The following RIN2 variants were observed in gnomAD, a reference collection of about 807,000 sequenced individuals.
The protein encoded by RIN2 is Ras and Rab interactor 2, also known as RAB5 interacting protein 2.
RIN2 carries 36 observed loss-of-function variants against 78.0 expected under a neutral mutation model. The ratio of observed to expected loss-of-function variants is 0.46; its 90% CI spans 0.35 to 0.61. The LOEUF (loss-of-function observed/expected upper bound fraction) is 0.61, where lower values mean the gene tolerates loss of function less well. Among genes scored for constraint, RIN2 ranks in the 20% least tolerant of loss-of-function variants. The pLI is 0.00. For synonymous variants in RIN2, 466 were observed against 466.8 expected (o/e 1.00, Z 0.02); for missense variants, 1,087 against 1,159.7 (o/e 0.94, Z 0.91).
chr20:19,953,425 C>G (rs1276472495), intron 4 of RIN2, among the ~76,000 whole-genome samples: 2 of 150,088 alleles, frequency 1.3e-5, no homozygotes, highest in African/African-American at 2.4e-5. Flanking sequence ...TGAGCCACTG[C>G]ACCTGGCTTT....
chr20:19,818,646 T>C (rs6046341), intron 2 of RIN2, among the ~76,000 whole-genome samples: 3,837 of 150,988 alleles, frequency 0.025, 175 homozygotes, highest in African/African-American at 0.089. Flanking sequence ...GCGGGAGAAT[T>C]GCTTGAACCC....
At chr20:19,839,092 G>T (rs972172375) in intron 2 of RIN2, among the ~76,000 whole-genome samples, 10 of 152,342 alleles carry the variant, frequency 6.6e-5, no homozygotes, top group Admixed American at 6.5e-4. Flanking sequence ...CGCAGCCCCA[G>T]TGCTCAGCGC....
chr20:19,955,925 G>A (rs906505178), intron 4 of RIN2, among the ~76,000 whole-genome samples: 1 of 152,098 alleles, frequency 6.6e-6, no homozygotes, highest in Non-Finnish European at 1.5e-5. Context: ...TACCATCCAT[G>A]CTATTTCGCA....
chr20:19,974,889 G>C lies in RIN2; in HGVS notation c.864G>C (p.Leu288=), dbSNP rs1159241279. 6.2e-7 allele frequency: 1 copy of C among 1,614,034 alleles called. No homozygotes were observed. Among genetic ancestry groups the C allele is most frequent in the African/African-American group, 1.3e-5 (1 of 75,066 alleles). Reference sequence around the variant, plus strand: ...ACAGCCAGGACCTCAGTGGAGGCCTGAAACGGCCGAGCACAAGGACTCCCA... The same window carrying C: ...ACAGCCAGGACCTCAGTGGAGGCCTCAAACGGCCGAGCACAAGGACTCCCA... ...KVHSQDLSGG[L]KRPSTRTPNA... is the part of the protein sequence containing the mutation. Residue 288 remains leucine (L), a synonymous_variant, in exon 9 of 13, where the codon CTG becomes CTC. Coordinates refer to ENST00000255006, the MANE Select transcript of RIN2 (RefSeq NM_018993.4).
chr20:19,790,042 G>A (rs537855450), intron 1 of RIN2, among the ~76,000 whole-genome samples: 98 of 152,080 alleles, frequency 6.4e-4, no homozygotes, highest in African/African-American at 2.2e-3. Context: ...ATTTTATCAC[G>A]TTTTTATCAA....
intron 2 of RIN2, among the ~76,000 whole-genome samples, chr20:19,870,147 A>C (rs1230102788): frequency 6.6e-6 from 1 of 152,164 alleles, no homozygotes. Flanking sequence ...TCTGAAGAAC[A>C]TGGAGGTTCT....
At chr20:19,854,865 C>A (rs1160546377) in intron 2 of RIN2, among the ~76,000 whole-genome samples, 1 of 152,042 alleles carries the variant, frequency 6.6e-6, no homozygotes, top group East Asian at 1.9e-4. Flanking sequence ...AATTGAATAC[C>A]CTTTATTTCT....
Position 19,893,145 on chromosome 20 carries a change from C to T in RIN2, c.57+3487C>T, listed in dbSNP as rs117501870. On this transcript the variant is annotated intron_variant, in intron 3 of 12. Transcript: ENST00000255006. ...GAATATATAACCTAATCTGGGGTTC[C>T]AGAGAAATCTTTCCCAAGGAAGCGG... 2.2e-3 allele frequency among the ~76,000 whole-genome samples: 339 copies of T among 152,242 alleles called. 1 individual carries two copies. The highest frequency in any genetic ancestry group is 0.011 in the South Asian group (53 of 4,824).
chr20:19,852,663 A>T (rs2037020359), intron 2 of RIN2, among the ~76,000 whole-genome samples: 1 of 152,126 alleles, frequency 6.6e-6, no homozygotes, highest in Admixed American at 6.5e-5. Flanking sequence ...TACTCTTTGT[A>T]TGCTCTTTTC....
At chr20:19,952,064 A>G (rs953755084) in intron 4 of RIN2, among the ~76,000 whole-genome samples, 2 of 152,202 alleles carry the variant, frequency 1.3e-5, no homozygotes, top group African/African-American at 2.4e-5. Flanking sequence ...GGGATCCAGG[A>G]TGGGAAAGGG....
chr20:19,956,667 T>C lies in RIN2; in HGVS notation c.211T>C (p.Cys71Arg). Residue 71 changes from cysteine (C) to arginine (R), a missense_variant, in exon 5 of 13, where the codon TGT becomes CGT. Physicochemically the swap from Cys to Arg is radical, Grantham distance 180. This residue lies in a region of RIN2 where 706 missense variants were observed against 667.5 expected (regional missense o/e 1.06). Coordinates refer to ENST00000255006, the MANE Select transcript of RIN2 (RefSeq NM_018993.4). ...TTCCGAGGAAGAGGACGTGAAGACC[T>C]GTGCCCGGGACTCAGGCTATGACAG... is the stretch of plus-strand genomic sequence containing the variant. ...GYSEEEDVKT[C>R]ARDSGYDSLS... is the part of the protein sequence containing the mutation. 1.2e-6 allele frequency: 2 copies of C among 1,613,336 alleles called. No homozygotes were observed. The highest frequency in any genetic ancestry group is 1.7e-6 in the Non-Finnish European group (2 of 1,179,664).
chr20:19,883,092 C>A (rs955647736), intron 2 of RIN2, among the ~76,000 whole-genome samples: 1 of 152,104 alleles, frequency 6.6e-6, no homozygotes, highest in Non-Finnish European at 1.5e-5. Context: ...AATGACCTTG[C>A]GGGTAGCCAA....
intron 2 of RIN2, among the ~76,000 whole-genome samples, chr20:19,802,040 A>G (rs1332202010): frequency 6.6e-6 from 1 of 152,236 alleles, no homozygotes; most frequent in Non-Finnish European, 1.5e-5. Context: ...TCATTAGGTT[A>G]TCCGAGCAAA....
chr20:19,786,731 C>T (rs2034689666), intron 1 of RIN2, among the ~76,000 whole-genome samples: 1 of 152,172 alleles, frequency 6.6e-6, no homozygotes. Context: ...AGTGTAGTGA[C>T]TATGCCTAAT....
intron 9 of RIN2, among the ~76,000 whole-genome samples, chr20:19,985,716 A>T (rs6046516): frequency 0.39 from 59,627 of 152,118 alleles, 14,090 homozygotes; most frequent in East Asian, 0.72. Context: ...TCTCAACAAC[A>T]GCAACAACAA....
intron 1 of RIN2, among the ~76,000 whole-genome samples, chr20:19,798,158 C>T (rs1398376617): frequency 6.6e-6 from 1 of 152,134 alleles, no homozygotes; most frequent in Admixed American, 6.5e-5. Flanking sequence ...GCCTATTCTA[C>T]TTAATCTTTA....
At chr20:19,938,123 G>A (rs1461985095) in intron 4 of RIN2, among the ~76,000 whole-genome samples, 1 of 152,158 alleles carries the variant, frequency 6.6e-6, no homozygotes, top group East Asian at 1.9e-4. Flanking sequence ...TGCCCCCAGT[G>A]CCCTGGCTGG....
Position 19,975,650 on chromosome 20 carries a change from A to G in RIN2, c.1625A>G (p.Glu542Gly). ...LVQDYVSFLQ[E>G]NKECHVSSTD... ...CAGGACTACGTGAGCTTCCTGCAGG[A>G]GAACAAGGAGTGCCACGTGTCCAGC... The change falls in exon 9 of 13, where the codon GAG becomes GGG. Residue 542 changes from glutamate to glycine, a missense_variant. Glu to Gly is a moderately conservative substitution (Grantham distance 98). Transcript: ENST00000255006. This position sits in a 1 kb window ranked among gnomAD's most constrained non-coding sequence, Gnocchi z 4.9. The G allele has an allele frequency of 6.2e-7, 1 of 1,613,758 alleles. No individual in the cohort carries two copies. Among genetic ancestry groups the G allele is most frequent in the Non-Finnish European group, 8.5e-7 (1 of 1,179,874 alleles).
intron 1 of RIN2, among the ~76,000 whole-genome samples, chr20:19,779,473 G>A (rs1244663221): frequency 6.6e-6 from 1 of 152,168 alleles, no homozygotes; most frequent in Non-Finnish European, 1.5e-5. Flanking sequence ...CACTAGAACT[G>A]TACCTCAGCG....
Sources: allele counts gnomAD v4.1 joint callset (sites outside exome capture counted in the v4.1 genomes callset), GRCh38; gene constraint gnomAD v4.1.1; regional missense constraint gnomAD v4.1.1; non-coding constraint Gnocchi (gnomAD v3.1); transcripts MANE v1.5; gene names NCBI Gene and HGNC (gene_info 2026-07-23, HGNC 2026-07-21).